The following LONP2 variants were observed in gnomAD, a reference collection of about 807,000 sequenced individuals.
LONP2 encodes lon protease homolog 2, peroxisomal.
A neutral mutation model predicts 85.6 loss-of-function variants in LONP2; 60 were observed. The observed-to-expected ratio is 0.70, with a 90% CI of 0.57 to 0.87. The LOEUF (loss-of-function observed/expected upper bound fraction) is 0.87. Ranked by LOEUF, LONP2 falls within the 40% of genes least tolerant of loss-of-function variation. The pLI, the probability that LONP2 is intolerant of heterozygous loss-of-function variation, is 0.00. For synonymous variants in LONP2, 395 were observed against 389.7 expected (o/e 1.01, Z -0.16); for missense variants, 860 against 1,063.5 (o/e 0.81, Z 2.66).
intron 12 of LONP2, among the ~76,000 whole-genome samples, chr16:48,340,092 A>G (rs779693316): frequency 6.6e-6 from 1 of 152,206 alleles, no homozygotes; most frequent in Non-Finnish European, 1.5e-5. Flanking sequence ...AGAGTTTAGA[A>G]TCTTCCTGAA....
At chr16:48,344,483 G>A (rs549173186) in intron 12 of LONP2, 1 of 152,292 alleles carries the variant, frequency 6.6e-6, no homozygotes, top group East Asian at 1.9e-4. Flanking sequence ...GATGCTCTAG[G>A]TTTGGCCATA....
Position 48,303,279 on chromosome 16 carries a change from A to G in LONP2, c.1769A>G (p.Asp590Gly), listed in dbSNP as rs1663289806. ...AEGQHKEAKL[D>G]RSDVTEREGC... ...GGACAGCATAAGGAAGCCAAGTTGG[A>G]CCGTTCTGATGTGACTGAGAGAGAA... is the stretch of plus-strand genomic sequence containing the variant. Residue 590 changes from aspartate to glycine, a missense_variant, in exon 11 of 15, where the codon GAC becomes GGC. Coordinates refer to ENST00000285737, the MANE Select transcript of LONP2 (RefSeq NM_031490.5). 6.2e-7 allele frequency: 1 copy of G among 1,614,112 alleles called. No homozygotes were observed. The highest frequency in any genetic ancestry group is 8.5e-7 in the Non-Finnish European group (1 of 1,180,024).
chr16:48,264,447 C>T (rs1486184481), intron 6 of LONP2, among the ~76,000 whole-genome samples: 1 of 152,154 alleles, frequency 6.6e-6, no homozygotes, highest in Non-Finnish European at 1.5e-5. Context: ...CTGTTCTGCC[C>T]GGCTCACCAG....
At chr16:48,322,695 C>T (rs1259532936) in intron 11 of LONP2, among the ~76,000 whole-genome samples, 4 of 152,012 alleles carry the variant, frequency 2.6e-5, no homozygotes, top group Non-Finnish European at 4.4e-5. Context: ...GGCAACATAG[C>T]GAGACTCCAC....
chr16:48,274,843 A>G (rs1012207770), intron 7 of LONP2, among the ~76,000 whole-genome samples: 1 of 152,210 alleles, frequency 6.6e-6, no homozygotes, highest in Non-Finnish European at 1.5e-5. Flanking sequence ...TTCACTTAAC[A>G]TTGTAACACT....
intron 4 of LONP2, among the ~76,000 whole-genome samples, chr16:48,260,523 A>G (rs1473535951): frequency 6.6e-6 from 1 of 152,190 alleles, no homozygotes; most frequent in African/African-American, 2.4e-5. Flanking sequence ...TACTTGAGCC[A>G]GGGAGGTTGA....
chr16:48,249,856 C>T (rs1012491184), intron 1 of LONP2, among the ~76,000 whole-genome samples: 3 of 152,188 alleles, frequency 2.0e-5, no homozygotes, highest in Non-Finnish European at 2.9e-5. Context: ...CAGTTTGGAA[C>T]ATCTTCCTTT....
At chr16:48,333,335 G>A (rs1656747586) in intron 11 of LONP2, among the ~76,000 whole-genome samples, 1 of 152,200 alleles carries the variant, frequency 6.6e-6, no homozygotes. Flanking sequence ...AGGTAAAGGA[G>A]ATGGCCCATT....
intron 1 of LONP2, chr16:48,247,275 A>G (rs1971454650): frequency 6.6e-6 from 1 of 151,256 alleles, no homozygotes; most frequent in Non-Finnish European, 1.5e-5. Context: ...CCATAGCATT[A>G]GCCTGTTTCC....
intron 3 of LONP2, among the ~76,000 whole-genome samples, chr16:48,257,865 C>A (rs777833074): frequency 5.9e-5 from 9 of 152,164 alleles, no homozygotes; most frequent in Non-Finnish European, 1.3e-4. Flanking sequence ...GAACAGAGAG[C>A]GGCCTGTGCT....
intron 9 of LONP2, among the ~76,000 whole-genome samples, chr16:48,298,483 A>G (rs1972722722): frequency 2.0e-5 from 3 of 152,210 alleles, no homozygotes; most frequent in South Asian, 2.1e-4. Flanking sequence ...ACACATATAT[A>G]TATATACCAT....
Position 48,354,953 on chromosome 16 carries a change from A to ATACT in LONP2, c.*3153_*3156dup, listed in dbSNP as rs1555486511. 2 of 152,232 alleles carry ATACT rather than the reference A, an allele frequency of 1.3e-5. No individual in the cohort carries two copies. Among genetic ancestry groups the ATACT allele is most frequent in the African/African-American group, 4.8e-5 (2 of 41,464 alleles). The allele number at this position is 152,232 out of a possible 1,614,324, so 9.4% of individuals were successfully genotyped here. On this transcript the variant is annotated 3_prime_UTR_variant, in exon 15 of 15. Transcript: ENST00000285737. ...AAGGTGTTTTGTCAAACAAAAACTA[A>ATACT]TACTTTCCCTGGGAAAAAGCCATGT...
intron 12 of LONP2, among the ~76,000 whole-genome samples, chr16:48,340,554 T>C (rs544654174): frequency 6.6e-6 from 1 of 152,346 alleles, no homozygotes; most frequent in African/African-American, 2.4e-5. Context: ...CCTAGCAAAC[T>C]GGCAGTTGGG....
chr16:48,261,567 C>T lies in LONP2; in HGVS notation c.867C>T (p.Val289=). ...TSSMPEQAHK[V]CVKEIKRLKK... The stretch of plus-strand genomic sequence containing the variant: ...GTATGCCAGAGCAGGCCCATAAAGT[C>T]TGTGTCAAAGAGATAAAGAGGTAAA... The change falls in exon 5 of 15, where the codon GTC becomes GTT. Residue 289 remains valine (V), a synonymous_variant. Coordinates refer to ENST00000285737, the MANE Select transcript of LONP2 (RefSeq NM_031490.5). The T allele has an allele frequency of 2.5e-6, 4 of 1,591,606 alleles. No individual in the cohort carries two copies. Among genetic ancestry groups the T allele is most frequent in the Middle Eastern group, 1.7e-4 (1 of 5,982 alleles).
chr16:48,313,939 C>G (rs1007407934), intron 11 of LONP2, among the ~76,000 whole-genome samples: 8 of 152,214 alleles, frequency 5.3e-5, no homozygotes, highest in African/African-American at 2.4e-5. Flanking sequence ...TAAAAGCATT[C>G]CTTATTCTTC....
rs779071561 is a variant in LONP2 at position 48,252,239 on chromosome 16, A to G, written c.342A>G (p.Leu114=). ...GCCGTTTCCAGATTGTACAGGTCTT[A>G]AAAGAGAAGCCATATCCCATTGCTG... ...GLCRFQIVQV[L]KEKPYPIAEV... is the part of the protein sequence containing the mutation. The change falls in exon 2 of 15, where the codon TTA becomes TTG. Residue 114 remains leucine, a synonymous_variant. Transcript: ENST00000285737. 13 of 1,614,086 alleles carry G rather than the reference A, an allele frequency of 8.1e-6. No homozygotes were observed. Among genetic ancestry groups the G allele is most frequent in the Non-Finnish European group, 1.1e-5 (13 of 1,180,036 alleles).
chr16:48,282,146 C>T (rs984713967), intron 8 of LONP2, among the ~76,000 whole-genome samples: 8 of 151,938 alleles, frequency 5.3e-5, no homozygotes, highest in Admixed American at 2.0e-4. Context: ...CAGTGGCTCA[C>T]GCCTGTAATC....
chr16:48,335,358 G>A (rs1250226472), intron 12 of LONP2, among the ~76,000 whole-genome samples: 1 of 152,138 alleles, frequency 6.6e-6, no homozygotes, highest in Non-Finnish European at 1.5e-5. Context: ...AAACCCACAT[G>A]CAGGTCTAGC....
At chr16:48,329,072 T>G (rs1426728071) in intron 11 of LONP2, among the ~76,000 whole-genome samples, 1 of 152,182 alleles carries the variant, frequency 6.6e-6, no homozygotes, top group Admixed American at 6.5e-5. Flanking sequence ...TAATATCTCA[T>G]GTAATGTTAA....
Sources: allele counts gnomAD v4.1 joint callset (sites outside exome capture counted in the v4.1 genomes callset), GRCh38; gene constraint gnomAD v4.1.1; transcripts MANE v1.5; gene names NCBI Gene and HGNC (gene_info 2026-07-23, HGNC 2026-07-21).